TTC23L: variants seen among roughly 807,000 people sequenced by gnomAD.
The protein encoded by TTC23L is tetratricopeptide repeat protein 23-like.
A neutral mutation model predicts 48.1 loss-of-function variants in TTC23L; 42 were observed. That is an observed-to-expected ratio of 0.87 (90% CI 0.68 to 1.13). The LOEUF is 1.13. Ranked by LOEUF, TTC23L falls within the 50% of genes most tolerant of loss-of-function variation. TTC23L has a pLI of 0.00. For missense variants in TTC23L, 391 were observed against 421.0 expected (o/e 0.93, Z 0.62); for synonymous variants, 159 against 157.2 (o/e 1.01, Z -0.09).
the TTC23L span, chr5:34,913,943 T>C: frequency 2.2e-6 from 1 of 457,802 alleles, no homozygotes; most frequent in Non-Finnish European, 4.4e-6. Context: ...TGGTCTTTAA[T>C]GCCTGAGCTC....
At chr5:34,839,862 TATC>T (rs779953326) in intron 1 of TTC23L, among the ~76,000 whole-genome samples, 1 of 152,386 alleles carries the variant, frequency 6.6e-6, no homozygotes, top group Non-Finnish European at 1.5e-5. Context: ...AGGTTTCTCC[TATC>T]ATCTAACAGC....
chr5:34,887,550 C>T (rs1045619761), intron 9 of TTC23L, among the ~76,000 whole-genome samples: 2 of 152,100 alleles, frequency 1.3e-5, no homozygotes, highest in African/African-American at 4.8e-5. Context: ...AAAACAAATT[C>T]CTGAGTCTCA....
the TTC23L span, chr5:34,914,601 CTAT>C: frequency 8.7e-7 from 1 of 1,153,980 alleles, no homozygotes. Flanking sequence ...GTTATTATGA[CTAT>C]TAAGTTATTT....
chr5:34,853,552 G>T (rs1000205618), intron 4 of TTC23L, among the ~76,000 whole-genome samples: 2 of 151,968 alleles, frequency 1.3e-5, no homozygotes, highest in South Asian at 4.2e-4. Flanking sequence ...GAGAGGGGAA[G>T]AGAATAGAGG....
intron 7 of TTC23L, chr5:34,867,296 A>G (rs1761136529): frequency 1.7e-6 from 1 of 573,810 alleles, no homozygotes; most frequent in Non-Finnish European, 3.1e-6. Flanking sequence ...TTGGCTGTGC[A>G]GACAGCACTT....
chr5:34,866,965 G>T lies in TTC23L; in HGVS notation c.736G>T (p.Ala246Ser). The T allele has an allele frequency of 1.9e-6, 3 of 1,610,520 alleles. No homozygotes were observed. In the South Asian group the frequency reaches 3.3e-5, roughly 18 times the overall value. ...AAAGGCAATTGGCGATGTTATTGCTGCCAAGGGTGATAGGACGTCAGATCT... is the reference window on the plus strand; with the variant it reads ...AAAGGCAATTGGCGATGTTATTGCTTCCAAGGGTGATAGGACGTCAGATCT... The change falls in exon 7 of 11, where the codon GCC becomes TCC. Residue 246 changes from alanine to serine, a missense_variant. By Grantham distance (99) the Ala-to-Ser change is moderately conservative. Coordinates refer to ENST00000505624, the Ensembl canonical transcript of TTC23L.
the TTC23L span, chr5:34,913,348 G>A: frequency 4.1e-6 from 2 of 491,940 alleles, no homozygotes; most frequent in East Asian, 3.1e-5. Flanking sequence ...CCATGACTGT[G>A]GCCACTGAAA....
the TTC23L span, chr5:34,924,917 A>G: frequency 1.2e-6 from 2 of 1,613,040 alleles, no homozygotes; most frequent in Non-Finnish European, 1.7e-6. Flanking sequence ...AAGATTTTCC[A>G]GGGAAGTTTT....
At chr5:34,922,793 G>A in the TTC23L span, 3 of 1,598,256 alleles carry the variant, frequency 1.9e-6, no homozygotes, top group South Asian at 1.1e-5. Flanking sequence ...CAGTGTATGA[G>A]GTCTAATTTT....
At chr5:34,899,682 A>G (rs546277846), downstream of TTC23L, among the ~76,000 whole-genome samples, 1 of 152,310 alleles carries the variant, frequency 6.6e-6, no homozygotes, top group South Asian at 2.1e-4. Context: ...TGAAGTCAGG[A>G]GATTGAGACC....
intron 9 of TTC23L, among the ~76,000 whole-genome samples, chr5:34,890,281 C>T (rs1286140285): frequency 2.0e-5 from 3 of 151,040 alleles, no homozygotes; most frequent in Non-Finnish European, 4.4e-5. Flanking sequence ...GCCATCGCTA[C>T]AAAAAATATA....
the TTC23L span, chr5:34,919,855 G>A: frequency 7.9e-6 from 9 of 1,146,474 alleles, no homozygotes; most frequent in Non-Finnish European, 9.9e-6. Flanking sequence ...AAAATGGATC[G>A]TAAGGATAAG....
chr5:34,912,605 AATC>A, the TTC23L span, among the ~76,000 whole-genome samples: 2 of 152,188 alleles, frequency 1.3e-5, no homozygotes, highest in African/African-American at 4.8e-5. Context: ...TATGAAATAA[AATC>A]ATTCTTCTGG....
chr5:34,896,689 CA>C, intron 9 of TTC23L, 80 bp from the exon 10 acceptor site: 2 of 735,836 alleles, frequency 2.7e-6, no homozygotes, highest in Non-Finnish European at 5.1e-6. Context: ...ATAGCATTCT[CA>C]GTGCAATGAA....
At chr5:34,843,459 T>C (rs1170823077) in intron 2 of TTC23L, among the ~76,000 whole-genome samples, 1 of 152,234 alleles carries the variant, frequency 6.6e-6, no homozygotes, top group African/African-American at 2.4e-5. Context: ...AAGACCTCAA[T>C]GTTTCTCATT....
chr5:34,918,817 C>CTTTTTTTTTTT, the TTC23L span: 1 of 132,334 alleles, frequency 7.6e-6, no homozygotes, highest in Non-Finnish European at 1.6e-5. Flanking sequence ...CTTTTTGGGC[C>CTTTTTTTTTTT]TTTTTTTTTT....
intron 8 of TTC23L, among the ~76,000 whole-genome samples, chr5:34,871,073 A>T (rs73080614): frequency 1.2e-3 from 186 of 152,326 alleles, no homozygotes; most frequent in African/African-American, 4.3e-3. Flanking sequence ...CACTGCTCCT[A>T]TTCAGCAGAG....
chr5:34,845,551 G>A, exon 3 of TTC23L: 1 of 1,613,974 alleles, frequency 6.2e-7, no homozygotes, highest in Non-Finnish European at 8.5e-7. Flanking sequence ...TGGTGGGTGT[G>A]GAGAGAGTGA....
At chr5:34,880,734 G>T in intron 9 of TTC23L, 1 of 309,622 alleles carries the variant, frequency 3.2e-6, no homozygotes, top group Non-Finnish European at 6.2e-6. Context: ...CGCCTCTTGG[G>T]TTCAAGAGAT....
Sources: allele counts gnomAD v4.1 joint callset (sites outside exome capture counted in the v4.1 genomes callset), GRCh38; gene constraint gnomAD v4.1.1; transcripts MANE v1.5; gene names NCBI Gene and HGNC (gene_info 2026-07-23, HGNC 2026-07-21).